Variants in CTDSPL2 observed in about 807,000 individuals in gnomAD.
CTDSPL2 encodes CTD small phosphatase-like protein 2.
A neutral mutation model predicts 60.0 loss-of-function variants in CTDSPL2; 5 were observed. The observed-to-expected ratio is 0.08, with a 90% CI of 0.04 to 0.18. The LOEUF is 0.18. Among genes scored for constraint, CTDSPL2 ranks in the 10% least tolerant of loss-of-function variants. The pLI is 1.00. For synonymous variants in CTDSPL2, 186 were observed against 189.3 expected (o/e 0.98, Z 0.14); for missense variants, 370 against 548.8 (o/e 0.67, Z 3.26).
chr15:44,481,954 C>T (rs1439618412), intron 2 of CTDSPL2, among the ~76,000 whole-genome samples: 3 of 152,222 alleles, frequency 2.0e-5, no homozygotes, highest in Admixed American at 2.0e-4. Context: ...AGCAGGGACT[C>T]TTCACATGTG....
At chr15:44,490,074 AT>A (rs2081190500) in intron 4 of CTDSPL2, among the ~76,000 whole-genome samples, 1 of 152,124 alleles carries the variant, frequency 6.6e-6, no homozygotes, top group East Asian at 1.9e-4. Flanking sequence ...TTTTTTTGTT[AT>A]TTTTGTTTAA....
At chr15:44,508,732 C>G (rs1188965297) in intron 8 of CTDSPL2, among the ~76,000 whole-genome samples, 1 of 152,012 alleles carries the variant, frequency 6.6e-6, no homozygotes, top group African/African-American at 2.4e-5. Flanking sequence ...ACCAGCCTGG[C>G]CGAGATGGTG....
Position 44,491,062 on chromosome 15 carries a change from A to T in CTDSPL2, c.691+63A>T, listed in dbSNP as rs151090996. On this transcript the variant is annotated intron_variant, in intron 5 of 12. Coordinates refer to ENST00000260327, the MANE Select transcript of CTDSPL2 (RefSeq NM_016396.3). ...AGTTGATAAAAAATAACAGTATTTC[A>T]TATTTTTTCTTAAATGAGCACATTA... 3.1e-6 allele frequency: 4 copies of T among 1,303,838 alleles called. No individual in the cohort carries two copies. The East Asian group carries it at 9.3e-5, about 30-fold the overall frequency. The allele number at this position is 1,303,838 out of a possible 1,614,324, so 80.8% of individuals were successfully genotyped here.
intron 2 of CTDSPL2, among the ~76,000 whole-genome samples, chr15:44,461,888 A>G (rs1005330149): frequency 7.2e-5 from 11 of 152,200 alleles, no homozygotes; most frequent in Admixed American, 3.9e-4. Context: ...GTAGCAGAAA[A>G]TTTGTGTATT....
At chr15:44,517,257 T>C (rs996369077) in intron 10 of CTDSPL2, 1 of 148,596 alleles carries the variant, frequency 6.7e-6, no homozygotes, top group Non-Finnish European at 1.5e-5. Flanking sequence ...ACGCCTGTAA[T>C]CCCAGCACTT....
At chr15:44,444,400 A>G (rs2080159284) in intron 1 of CTDSPL2, among the ~76,000 whole-genome samples, 1 of 151,700 alleles carries the variant, frequency 6.6e-6, no homozygotes, top group South Asian at 2.1e-4. Context: ...GTTGGAGTGC[A>G]GTGGTGCAAT....
At chr15:44,450,284 G>T (rs2141319996) in intron 1 of CTDSPL2, among the ~76,000 whole-genome samples, 1 of 151,986 alleles carries the variant, frequency 6.6e-6, no homozygotes, top group African/African-American at 2.4e-5. Flanking sequence ...ATTCTAATTT[G>T]GAAGATTTAG....
At chr15:44,471,463 GCT>G (rs2080808212) in intron 2 of CTDSPL2, among the ~76,000 whole-genome samples, 1 of 152,090 alleles carries the variant, frequency 6.6e-6, no homozygotes, top group African/African-American at 2.4e-5. Flanking sequence ...AATGTATACA[GCT>G]CTATGAGTTT....
intron 2 of CTDSPL2, among the ~76,000 whole-genome samples, chr15:44,483,367 G>A (rs919192267): frequency 1.2e-4 from 18 of 150,520 alleles, no homozygotes; most frequent in Non-Finnish European, 2.5e-4. Flanking sequence ...TTCCAACCTC[G>A]TCTCTACTAA....
chr15:44,480,796 A>T (rs1051120479), intron 2 of CTDSPL2, among the ~76,000 whole-genome samples: 7 of 151,620 alleles, frequency 4.6e-5, no homozygotes, highest in African/African-American at 1.5e-4. Context: ...CTGTGCTACT[A>T]CACTCCAGTA....
At chr15:44,472,335 G>A (rs528674128) in intron 2 of CTDSPL2, among the ~76,000 whole-genome samples, 21 of 152,234 alleles carry the variant, frequency 1.4e-4, no homozygotes, top group Non-Finnish European at 2.8e-4. Flanking sequence ...GTTGTCTTGA[G>A]GACAATCAAC....
In CTDSPL2 at chr15:44,459,832, A is replaced by T. The variant is rs549741464; in HGVS notation, c.186+632A>T. Among the ~76,000 whole-genome samples, 52 of 152,280 alleles carry T rather than the reference A, an allele frequency of 3.4e-4. 1 individual carries two copies. The East Asian group carries it at 9.8e-3, about 29-fold the overall frequency. ...TTAATATTCACTGTCTAGGGAGGTG[A>T]TGTCTCTCATCTATTCAAGTTCTAA... On this transcript the variant is annotated intron_variant, in intron 2 of 12. Transcript: ENST00000260327.
chr15:44,520,334 A>AGAC (rs1409143100), intron 11 of CTDSPL2: 1 of 151,632 alleles, frequency 6.6e-6, no homozygotes, highest in Non-Finnish European at 1.5e-5. Flanking sequence ...TTATTAGTAG[A>AGAC]GACGGGGTTT....
At chr15:44,482,799 G>A (rs1008860022) in intron 2 of CTDSPL2, among the ~76,000 whole-genome samples, 7 of 152,190 alleles carry the variant, frequency 4.6e-5, no homozygotes, top group African/African-American at 1.7e-4. Context: ...ATTAGTTGCT[G>A]TAGGGTAAAA....
intron 8 of CTDSPL2, among the ~76,000 whole-genome samples, chr15:44,507,255 T>G: frequency 6.6e-6 from 1 of 151,900 alleles, no homozygotes; most frequent in African/African-American, 2.4e-5. Context: ...GAGCTAATTT[T>G]TGTATTTTTA....
intron 1 of CTDSPL2, among the ~76,000 whole-genome samples, chr15:44,446,547 T>C (rs1463560706): frequency 6.6e-6 from 1 of 151,948 alleles, no homozygotes; most frequent in African/African-American, 2.4e-5. Flanking sequence ...GGAGAACTGC[T>C]TAAACCTGGG....
intron 2 of CTDSPL2, among the ~76,000 whole-genome samples, chr15:44,477,634 C>T (rs138526829): frequency 0.027 from 4,065 of 151,978 alleles, 89 homozygotes; most frequent in East Asian, 0.097. Context: ...GTCGGGAGTT[C>T]AAGACCAGCC....
At chr15:44,480,546 T>G (rs1567084268) in intron 2 of CTDSPL2, among the ~76,000 whole-genome samples, 1 of 152,146 alleles carries the variant, frequency 6.6e-6, no homozygotes, top group Non-Finnish European at 1.5e-5. Flanking sequence ...CCCATCATTT[T>G]CCCCTTAATT....
At chr15:44,478,470 A>G (rs978743980) in intron 2 of CTDSPL2, among the ~76,000 whole-genome samples, 3 of 149,788 alleles carry the variant, frequency 2.0e-5, no homozygotes, top group Non-Finnish European at 3.0e-5. Flanking sequence ...AAAAAAAAAA[A>G]AAAAAAAAAA....
Sources: gnomAD v4.1 joint callset for allele counts (sites outside exome capture counted in the v4.1 genomes callset) on GRCh38, gnomAD v4.1.1 for gene constraint, MANE v1.5 for transcripts, NCBI Gene and HGNC (gene_info 2026-07-23, HGNC 2026-07-21) for gene names.